The following CDC25C variants were observed in gnomAD, a reference collection of about 807,000 sequenced individuals.
CDC25C encodes cell division cycle 25C.
In CDC25C, 48 loss-of-function variants were observed where a neutral mutation model predicts 52.5. The observed-to-expected ratio is 0.91, with a 90% CI of 0.72 to 1.16. CDC25C has a LOEUF of 1.16. Among genes scored for constraint, CDC25C ranks in the 50% most tolerant of loss-of-function variants. The pLI, the probability that CDC25C is intolerant of heterozygous loss-of-function variation, is 0.00. For synonymous variants in CDC25C, 187 were observed against 206.5 expected, an observed-to-expected ratio of 0.91 and a Z score of 0.81; for missense variants, 510 against 566.1, an observed-to-expected ratio of 0.90 and a Z score of 1.01.
chr5:138,336,120 G>A (rs755800195), upstream of CDC25C, among the ~76,000 whole-genome samples: 6 of 134,368 alleles, frequency 4.5e-5, no homozygotes, highest in Admixed American at 1.7e-4. Flanking sequence ...CCAGCACTTC[G>A]TTTTTTGTTC....
chr5:138,325,959 G>A, intron 5 of CDC25C, 55 bp from the exon 6 acceptor site: 2 of 1,611,602 alleles, frequency 1.2e-6, no homozygotes, highest in East Asian at 4.5e-5. Flanking sequence ...CAGGTGCAAT[G>A]GAAACCCTCT....
At chr5:138,309,529 C>T (rs1758283696) in intron 7 of CDC25C, among the ~76,000 whole-genome samples, 1 of 151,934 alleles carries the variant, frequency 6.6e-6, no homozygotes, top group South Asian at 2.1e-4. Context: ...CACACTCCAG[C>T]CTGGGCAACA....
intron 3 of CDC25C, among the ~76,000 whole-genome samples, chr5:138,329,319 T>C (rs1760145983): frequency 6.6e-6 from 1 of 152,216 alleles, no homozygotes; most frequent in Admixed American, 6.5e-5. Flanking sequence ...GTCAACAAAA[T>C]ATATTCCTAC....
At chr5:138,328,633 G>T in intron 3 of CDC25C, 104 bp from the exon 4 acceptor site, 1 of 934,970 alleles carries the variant, frequency 1.1e-6, no homozygotes, top group Non-Finnish European at 1.7e-6. Flanking sequence ...TTAATTTCAA[G>T]GACTGAGCTT....
chr5:138,328,860 T>G, intron 3 of CDC25C: 1 of 213,206 alleles, frequency 4.7e-6, no homozygotes. Context: ...TTATGAAACA[T>G]TCCTTTTGGA....
chr5:138,331,072 T>C lies in CDC25C; in HGVS notation c.109A>G (p.Thr37Ala). The change falls in exon 2 of 14, where the codon ACT becomes GCT. Residue 37 changes from threonine to alanine, a missense_variant. Thr to Ala is a moderately conservative substitution (Grantham distance 58). Coordinates refer to ENST00000323760, the MANE Select transcript of CDC25C (RefSeq NM_001790.5). The part of the protein sequence containing the change: ...KMLNLLLERD[T>A]SFTVCPDVPR... ...ACATCTGGACAGACGGTAAAGGAAG[T>C]GTCTCTCTCCAGGAGCAGGTTTAAC... is the stretch of plus-strand genomic sequence containing the variant. 2 of 1,614,146 alleles carry C rather than the reference T, an allele frequency of 1.2e-6. No individual in the cohort carries two copies. Among genetic ancestry groups the C allele is most frequent in the Non-Finnish European group, 1.7e-6 (2 of 1,179,980 alleles).
At chr5:138,289,467 T>C (rs758038714) in intron 10 of CDC25C, 34 bp downstream of exon 10, 2 of 1,509,518 alleles carry the variant, frequency 1.3e-6, no homozygotes, top group Admixed American at 1.7e-5. Context: ...TGGTAGCTTA[T>C]GTAACCAGTT....
intron 7 of CDC25C, among the ~76,000 whole-genome samples, chr5:138,302,041 A>G (rs1260099431): frequency 8.0e-6 from 1 of 124,662 alleles, no homozygotes; most frequent in Non-Finnish European, 1.7e-5. Context: ...GTCTCCCAGG[A>G]TGGACTGCAG....
intron 7 of CDC25C, among the ~76,000 whole-genome samples, chr5:138,292,480 C>CAAAAAAAAA (rs70982703): frequency 1.7e-4 from 11 of 63,516 alleles, no homozygotes; most frequent in Non-Finnish European, 2.3e-4. Flanking sequence ...GTTATGTGAC[C>CAAAAAAAAA]AAAAAAAAAA....
intron 7 of CDC25C, among the ~76,000 whole-genome samples, chr5:138,296,512 A>G (rs979668372): frequency 2.0e-5 from 3 of 152,136 alleles, no homozygotes; most frequent in South Asian, 4.1e-4. Flanking sequence ...CTAGGTTCAA[A>G]TGATTCTCCT....
chr5:138,285,575 G>T lies in CDC25C; in HGVS notation c.*117C>A. 2.1e-6 allele frequency: 2 copies of T among 931,648 alleles called. No homozygotes were observed. The highest frequency in any genetic ancestry group is 3.3e-6 in the Non-Finnish European group (2 of 601,810). The allele number at this position is 931,648 out of a possible 1,614,324, so 57.7% of individuals were successfully genotyped here. On this transcript the variant is annotated 3_prime_UTR_variant, in exon 14 of 14. Transcript: ENST00000323760. ...CCTGGATACAAGTTGGTAGCCTGTT[G>T]GTTTGCAGAGACATCTTTTAATAAT...
upstream of CDC25C, among the ~76,000 whole-genome samples, chr5:138,334,421 C>T (rs190765734): frequency 1.1e-4 from 17 of 151,988 alleles, no homozygotes; most frequent in African/African-American, 3.1e-4. Flanking sequence ...AGTGCAATGG[C>T]GCAATCTCAG....
At chr5:138,300,680 G>GTTCT (rs1757567185) in intron 7 of CDC25C, among the ~76,000 whole-genome samples, 1 of 152,102 alleles carries the variant, frequency 6.6e-6, no homozygotes, top group South Asian at 2.1e-4. Context: ...CAAGAATAGA[G>GTTCT]ACTATACATT....
At chr5:138,309,446 A>C (rs891183188) in intron 7 of CDC25C, among the ~76,000 whole-genome samples, 1 of 151,712 alleles carries the variant, frequency 6.6e-6, no homozygotes, top group Non-Finnish European at 1.5e-5. Context: ...AATCCTACCC[A>C]CCTGGGAGGT....
chr5:138,329,483 A>G (rs2126842130), intron 3 of CDC25C, 70 bp downstream of exon 3: 1 of 991,192 alleles, frequency 1.0e-6, no homozygotes, highest in Non-Finnish European at 1.6e-6. Context: ...TTCCGTCTCT[A>G]TCCTCCTTCC....
At chr5:138,309,223 TAA>T (rs34521148) in intron 7 of CDC25C, among the ~76,000 whole-genome samples, 6,285 of 143,504 alleles carry the variant, frequency 0.044, 176 homozygotes, top group African/African-American at 0.078. Flanking sequence ...AAACTGGTAT[TAA>T]AAAAAAAAAA....
intron 6 of CDC25C, among the ~76,000 whole-genome samples, 172 bp from the exon 7 acceptor site, chr5:138,319,546 T>C (rs1055489039): frequency 1.3e-5 from 2 of 152,098 alleles, no homozygotes; most frequent in Non-Finnish European, 1.5e-5. Flanking sequence ...ACAGATAAAT[T>C]GGTCTTCATC....
At chr5:138,286,394 T>G (rs1171510088) in intron 12 of CDC25C, 103 bp downstream of exon 12, 1 of 1,282,302 alleles carries the variant, frequency 7.8e-7, no homozygotes, top group Non-Finnish European at 1.1e-6. Flanking sequence ...CTCCCTAACA[T>G]TCTTCAAACT....
rs1756126936 is a variant in CDC25C at position 138,285,443 on chromosome 5, C to T, written c.*249G>A. 1 of 469,902 alleles carries T rather than the reference C, an allele frequency of 2.1e-6. No individual in the cohort carries two copies. The highest frequency in any genetic ancestry group is 3.8e-6 in the Non-Finnish European group (1 of 263,504). 29.1% of individuals were successfully genotyped at this position (469,902 alleles called of 1,614,324 possible). ...AGTTGGGAAAAGGAATGCCAGAGTT[C>T]CCTGAACCAATACAAATCTCTATGC... On this transcript the variant is annotated 3_prime_UTR_variant, in exon 14 of 14. Transcript: ENST00000323760.
Sources: gnomAD v4.1 joint callset for allele counts (sites outside exome capture counted in the v4.1 genomes callset) on GRCh38, gnomAD v4.1.1 for gene constraint, MANE v1.5 for transcripts, NCBI Gene and HGNC (gene_info 2026-07-23, HGNC 2026-07-21) for gene names.